WDR70: variants seen among roughly 807,000 people sequenced by gnomAD.
WDR70 encodes the protein WD repeat domain 70.
Under a neutral mutation model 88.6 loss-of-function variants are expected in WDR70, and 53 were observed. The observed-to-expected ratio is 0.60, with a 90% CI of 0.48 to 0.75. WDR70 has a LOEUF of 0.75. Ranked by LOEUF, WDR70 falls within the 30% of genes least tolerant of loss-of-function variation. The probability of loss-of-function intolerance (pLI) is 0.00; values close to 1 mark genes in which losing one functional copy is unlikely to be tolerated. For missense variants in WDR70, 610 were observed against 823.2 expected, an observed-to-expected ratio of 0.74 and a Z score of 3.17; for synonymous variants, 280 against 270.0, an observed-to-expected ratio of 1.04 and a Z score of -0.36.
At chr5:37,729,340 A>G (rs1000672958) in intron 17 of WDR70, among the ~76,000 whole-genome samples, 1 of 151,246 alleles carries the variant, frequency 6.6e-6, no homozygotes, top group East Asian at 2.0e-4. Context: ...AAGCTAGGAA[A>G]TACATGTATG....
chr5:37,734,923 T>C (rs1748257911), intron 17 of WDR70, among the ~76,000 whole-genome samples: 1 of 152,196 alleles, frequency 6.6e-6, no homozygotes, highest in African/African-American at 2.4e-5. Context: ...GATTGTAGTT[T>C]ATTCTTTCTA....
rs564847256 is a variant in WDR70 at position 37,406,848 on chromosome 5, C to G, written c.492+10278C>G. Among the ~76,000 whole-genome samples the G allele has an allele frequency of 1.4e-4, 21 of 152,236 alleles. No individual in the cohort carries two copies. In the East Asian group the frequency reaches 3.9e-3, roughly 28 times the overall value. On this transcript the variant is annotated intron_variant, in intron 5 of 17. Transcript: ENST00000265107. ...CATAATTAAGGAGCAACAGAGGTAA[C>G]AATCATATTATTATTTAATATTATC...
intron 15 of WDR70, chr5:37,724,098 A>C (rs1747901156): frequency 6.6e-6 from 1 of 152,092 alleles, no homozygotes; most frequent in East Asian, 1.9e-4. Flanking sequence ...TTTCTTTTAA[A>C]GGGGGTTTAA....
At chr5:37,591,518 G>A (rs1743531112) in intron 9 of WDR70, among the ~76,000 whole-genome samples, 1 of 152,164 alleles carries the variant, frequency 6.6e-6, no homozygotes, top group African/African-American at 2.4e-5. Flanking sequence ...AAATAATTGA[G>A]ATATTCCTGT....
At chr5:37,562,731 A>G (rs1581395391) in intron 9 of WDR70, among the ~76,000 whole-genome samples, 1 of 152,096 alleles carries the variant, frequency 6.6e-6, no homozygotes, top group East Asian at 1.9e-4. Flanking sequence ...CTGAGTGGAC[A>G]CCGCACATGT....
chr5:37,721,013 A>C (rs1747794797), intron 13 of WDR70, 102 bp from the exon 14 acceptor site: 1 of 934,990 alleles, frequency 1.1e-6, no homozygotes, highest in Non-Finnish European at 1.7e-6. Flanking sequence ...GTAAACCATC[A>C]GGATGATATT....
intron 7 of WDR70, among the ~76,000 whole-genome samples, chr5:37,452,288 G>A (rs1158256939): frequency 6.9e-6 from 1 of 144,678 alleles, no homozygotes; most frequent in Non-Finnish European, 1.5e-5. Flanking sequence ...TTTTTGAGAT[G>A]GAGTCTGTCT....
At chr5:37,734,200 C>A (rs1402014650) in intron 17 of WDR70, among the ~76,000 whole-genome samples, 1 of 152,080 alleles carries the variant, frequency 6.6e-6, no homozygotes, top group East Asian at 1.9e-4. Flanking sequence ...TTTAAAATAA[C>A]CATCAGTGAT....
At chr5:37,427,066 A>T (rs1750148424) in intron 5 of WDR70, among the ~76,000 whole-genome samples, 1 of 152,164 alleles carries the variant, frequency 6.6e-6, no homozygotes, top group Non-Finnish European at 1.5e-5. Context: ...TACCACGCTC[A>T]GCTTTATCTA....
chr5:37,598,990 G>T (rs375405572), intron 9 of WDR70, among the ~76,000 whole-genome samples: 2 of 152,120 alleles, frequency 1.3e-5, no homozygotes, highest in Non-Finnish European at 2.9e-5. Context: ...GGCATCTGCC[G>T]CATAAATGCA....
intron 10 of WDR70, among the ~76,000 whole-genome samples, chr5:37,613,536 C>A (rs1297611616): frequency 6.6e-6 from 1 of 152,144 alleles, no homozygotes; most frequent in African/African-American, 2.4e-5. Flanking sequence ...AGCCAAATCA[C>A]TGCTCTCCCT....
chr5:37,733,462 G>A (rs1267753496), intron 17 of WDR70, among the ~76,000 whole-genome samples: 2 of 152,172 alleles, frequency 1.3e-5, no homozygotes, highest in African/African-American at 2.4e-5. Context: ...ACCAGTTGCT[G>A]TAGAACTTTT....
chr5:37,562,491 AG>A (rs200283269), intron 9 of WDR70, among the ~76,000 whole-genome samples: 2,279 of 146,764 alleles, frequency 0.016, 52 homozygotes, highest in African/African-American at 0.055. Flanking sequence ...TTTCTCCCAG[AG>A]GGGGATTTGG....
chr5:37,702,871 T>C, intron 12 of WDR70, 78 bp from the exon 13 acceptor site: 1 of 1,445,724 alleles, frequency 6.9e-7, no homozygotes, highest in Non-Finnish European at 9.4e-7. Flanking sequence ...GATGTTTATA[T>C]TTTATTTAAT....
At chr5:37,408,212 C>T (rs1342817088) in intron 5 of WDR70, among the ~76,000 whole-genome samples, 1 of 152,008 alleles carries the variant, frequency 6.6e-6, no homozygotes, top group African/African-American at 2.4e-5. Context: ...TGGCTCATGC[C>T]TGTAATCCCA....
intron 9 of WDR70, among the ~76,000 whole-genome samples, chr5:37,583,113 T>C: frequency 6.6e-6 from 1 of 152,134 alleles, no homozygotes; most frequent in East Asian, 1.9e-4. Context: ...ACATAGAAAA[T>C]GTATCCCCCT....
At position 37,716,369 on chromosome 5, in the gene WDR70, T is replaced by A. The variant is rs111998327; in HGVS notation, c.1417-4746T>A. The stretch of plus-strand genomic sequence containing the variant: ...TGTGAACTGGGAACTAGTGGGCTTT[T>A]TAAAAAAATGATTTTAGTAATAACT... On this transcript the variant is annotated intron_variant, in intron 13 of 17. Transcript: ENST00000265107. 3.2e-4 allele frequency among the ~76,000 whole-genome samples: 49 copies of A among 152,332 alleles called. 1 individual carries two copies. Among genetic ancestry groups the A allele is most frequent in the African/African-American group, 1.0e-3 (43 of 41,586 alleles).
At chr5:37,635,474 A>G (rs1406009019) in intron 10 of WDR70, among the ~76,000 whole-genome samples, 3 of 152,206 alleles carry the variant, frequency 2.0e-5, no homozygotes, top group African/African-American at 7.2e-5. Flanking sequence ...AGCTTCAAAA[A>G]TTCTTTTTAA....
chr5:37,500,451 C>T (rs777844355), intron 8 of WDR70, among the ~76,000 whole-genome samples: 4 of 152,068 alleles, frequency 2.6e-5, no homozygotes, highest in Admixed American at 2.0e-4. Flanking sequence ...TGGGTAGATA[C>T]GCAGTAGTGG....
Sources: allele counts gnomAD v4.1 joint callset (sites outside exome capture counted in the v4.1 genomes callset), GRCh38; gene constraint gnomAD v4.1.1; transcripts MANE v1.5; gene names NCBI Gene and HGNC (gene_info 2026-07-23, HGNC 2026-07-21).